Variants in COL22A1 observed in about 807,000 individuals in gnomAD.
The protein encoded by COL22A1 is collagen alpha-1(XXII) chain.
Under a neutral mutation model 248.9 loss-of-function variants are expected in COL22A1, and 221 were observed. The ratio of observed to expected loss-of-function variants is 0.89; its 90% confidence interval spans 0.80 to 0.99. COL22A1 has a LOEUF of 0.99. COL22A1 is among the 50% of genes least tolerant of loss of function. The probability of loss-of-function intolerance (pLI) is 0.00; values close to 1 mark genes in which losing one functional copy is unlikely to be tolerated. For missense variants in COL22A1, 2,240 were observed against 2,179.0 expected, an observed-to-expected ratio of 1.03 and a Z score of -0.56; for synonymous variants, 891 against 793.4, an observed-to-expected ratio of 1.12 and a Z score of -2.07.
intron 52 of COL22A1, among the ~76,000 whole-genome samples, chr8:138,619,834 T>A (rs765800617): frequency 1.3e-5 from 2 of 152,220 alleles, no homozygotes; most frequent in Non-Finnish European, 2.9e-5. Flanking sequence ...CAGACGACTT[T>A]ATGCCCACTT....
At chr8:138,787,088 A>G (rs1304090489) in intron 12 of COL22A1, among the ~76,000 whole-genome samples, 1 of 152,222 alleles carries the variant, frequency 6.6e-6, no homozygotes, top group Non-Finnish European at 1.5e-5. Context: ...TATTATTGAA[A>G]TGTGAGCTCT....
At chr8:138,614,818 T>G (rs2131901244) in intron 55 of COL22A1, among the ~76,000 whole-genome samples, 1 of 152,302 alleles carries the variant, frequency 6.6e-6, no homozygotes, top group East Asian at 1.9e-4. Context: ...AAAGCACATG[T>G]GAACTAGGTC....
chr8:138,723,300 CCCG>C (rs1178155357), intron 25 of COL22A1, among the ~76,000 whole-genome samples: 1 of 152,074 alleles, frequency 6.6e-6, no homozygotes, highest in Non-Finnish European at 1.5e-5. Flanking sequence ...AAAAGACAGC[CCCG>C]CCTGCACAGA....
At position 138,692,422 on chromosome 8, in the gene COL22A1, C is replaced by T. The variant is rs1210591342; in HGVS notation, c.2754+1224G>A. On this transcript the variant is annotated intron_variant, in intron 35 of 64. Transcript: ENST00000303045. ...ACATGTGTGTGTATGTGTGTGTGCA[C>T]GTACGTGTGTGCATGTGTGTGGAGG... Among the ~76,000 whole-genome samples the T allele has an allele frequency of 1.0e-4, 14 of 137,282 alleles. 1 individual carries two copies. The highest frequency in any genetic ancestry group is 7.2e-4 in the South Asian group (3 of 4,150). 90.1% of individuals were successfully genotyped at this position (137,282 alleles called of 152,430 possible).
chr8:138,660,064 GC>G (rs1466299390), intron 44 of COL22A1, among the ~76,000 whole-genome samples: 2 of 152,196 alleles, frequency 1.3e-5, no homozygotes, highest in Non-Finnish European at 2.9e-5. Context: ...GGGCTGGCTT[GC>G]CTGCTGGCCC....
chr8:138,910,080 A>T (rs1051206312), intron 1 of COL22A1, among the ~76,000 whole-genome samples: 1 of 152,232 alleles, frequency 6.6e-6, no homozygotes, highest in Non-Finnish European at 1.5e-5. Context: ...AAACTCCAGT[A>T]ACACCACAAA....
chr8:138,748,798 G>A (rs1832347815), intron 22 of COL22A1, among the ~76,000 whole-genome samples: 2 of 152,200 alleles, frequency 1.3e-5, no homozygotes, highest in African/African-American at 4.8e-5. Flanking sequence ...AAGTGTTTCT[G>A]AAGATGATGG....
chr8:138,773,751 C>A (rs1834587842), intron 16 of COL22A1, among the ~76,000 whole-genome samples: 1 of 152,168 alleles, frequency 6.6e-6, no homozygotes, highest in African/African-American at 2.4e-5. Flanking sequence ...GTTTCAGACT[C>A]CAGGCCAGGG....
At chr8:138,711,744 G>A (rs1189419129) in intron 30 of COL22A1, among the ~76,000 whole-genome samples, 1 of 152,142 alleles carries the variant, frequency 6.6e-6, no homozygotes, top group Non-Finnish European at 1.5e-5. Flanking sequence ...AAATTGGAGG[G>A]GAGAAAGTAA....
At chr8:138,888,144 T>C (rs1461461071) in intron 1 of COL22A1, among the ~76,000 whole-genome samples, 1 of 152,206 alleles carries the variant, frequency 6.6e-6, no homozygotes, top group Admixed American at 6.5e-5. Context: ...CGAGTTGCCC[T>C]CCTGTGCCAG....
intron 30 of COL22A1, among the ~76,000 whole-genome samples, chr8:138,711,237 C>T (rs1828939396): frequency 6.6e-6 from 1 of 152,204 alleles, no homozygotes; most frequent in Non-Finnish European, 1.5e-5. Context: ...ACACACCCTT[C>T]CCTGATGCTG....
In COL22A1 at chr8:138,801,794, C is replaced by T. The variant is rs148848140; in HGVS notation, c.1557+1078G>A. Among the ~76,000 whole-genome samples the T allele has an allele frequency of 2.7e-3, 406 of 152,112 alleles. 2 individuals carry two copies. Among genetic ancestry groups the T allele is most frequent in the African/African-American group, 9.2e-3 (382 of 41,504 alleles). On this transcript the variant is annotated intron_variant, in intron 11 of 64. Transcript: ENST00000303045. ...ATTCGGGAGACTGAGGCAGGAGAAGCGCTTGAACTTGGGAGGCGGAGGTTG... is the reference window on the plus strand; with the variant it reads ...ATTCGGGAGACTGAGGCAGGAGAAGTGCTTGAACTTGGGAGGCGGAGGTTG...
intron 49 of COL22A1, 134 bp downstream of exon 49, chr8:138,634,876 C>T: frequency 1.4e-6 from 1 of 713,300 alleles, no homozygotes; most frequent in Non-Finnish European, 2.4e-6. Flanking sequence ...TTTAGGACAA[C>T]TCTGTCACCT....
chr8:138,694,669 G>A, intron 33 of COL22A1, 108 bp from the exon 34 acceptor site: 3 of 1,378,520 alleles, frequency 2.2e-6, no homozygotes, highest in Non-Finnish European at 3.0e-6. Flanking sequence ...CCAAGGAGGG[G>A]ACGTAGCTAG....
rs558848460 is a variant in COL22A1, at chr8:138,845,441, G to A, written c.659-1283C>T. Among the ~76,000 whole-genome samples the A allele has an allele frequency of 3.9e-5, 6 of 152,070 alleles. No individual in the cohort carries two copies. The East Asian group carries it at 5.8e-4, about 15-fold the overall frequency. ...GGAGAATCGCTTGAACCTGGGAGGC[G>A]GAGGCGGAGGCTGCAGTGAGCTGAG... On this transcript the variant is annotated intron_variant, in intron 3 of 64. Transcript: ENST00000303045.
intron 44 of COL22A1, among the ~76,000 whole-genome samples, chr8:138,659,888 G>C (rs935377542): frequency 6.6e-6 from 1 of 152,220 alleles, no homozygotes; most frequent in African/African-American, 2.4e-5. Flanking sequence ...ATGTTAAACA[G>C]ATGGCAACTG....
At chr8:138,634,561 G>A (rs1013100602) in intron 49 of COL22A1, among the ~76,000 whole-genome samples, 1 of 152,158 alleles carries the variant, frequency 6.6e-6, no homozygotes, top group Non-Finnish European at 1.5e-5. Context: ...CAAGGCTACA[G>A]CTACTGTAAA....
intron 23 of COL22A1, among the ~76,000 whole-genome samples, chr8:138,729,807 G>A (rs1401918638): frequency 6.6e-6 from 1 of 152,164 alleles, no homozygotes; most frequent in African/African-American, 2.4e-5. Flanking sequence ...CACACAGTGT[G>A]GGCAGAAACT....
chr8:138,780,942 G>A lies in COL22A1; in HGVS notation c.1635C>T (p.Gly545=), dbSNP rs777126182. 5.0e-6 allele frequency: 8 copies of A among 1,613,344 alleles called. No individual in the cohort carries two copies. The South Asian group carries it at 8.8e-5, about 18-fold the overall frequency. ...LGLPGPPGRD[G]SKGMRGEPGE... is the part of the protein sequence containing the mutation. ...CAGAACTTACTCTCATGCCTTTGCT[G>A]CCGTCTCTCCCAGGGGGGCCGGGCA... The change falls in exon 13 of 65, where the codon GGC becomes GGT. Residue 545 remains glycine, a synonymous_variant. Transcript: ENST00000303045.
Sources: gnomAD v4.1 joint callset for allele counts (sites outside exome capture counted in the v4.1 genomes callset) on GRCh38, gnomAD v4.1.1 for gene constraint, MANE v1.5 for transcripts, NCBI Gene and HGNC (gene_info 2026-07-23, HGNC 2026-07-21) for gene names.